Variants in OSBPL1A observed in about 807,000 individuals in gnomAD.
OSBPL1A encodes oxysterol-binding protein-related protein 1.
Under a neutral mutation model 137.1 loss-of-function variants are expected in OSBPL1A, and 80 were observed. The observed-to-expected ratio is 0.58, with a 90% CI of 0.49 to 0.70. OSBPL1A has a LOEUF of 0.70. OSBPL1A is among the 30% of genes least tolerant of loss of function. OSBPL1A has a pLI of 0.00. For synonymous variants in OSBPL1A, 365 were observed against 389.7 expected (o/e 0.94, Z 0.75); for missense variants, 970 against 1,129.4 (o/e 0.86, Z 2.02).
At chr18:24,342,998 T>C (rs2146158431) in intron 4 of OSBPL1A, among the ~76,000 whole-genome samples, 1 of 152,128 alleles carries the variant, frequency 6.6e-6, no homozygotes, top group Admixed American at 6.5e-5. Context: ...ATTTTGGGGC[T>C]CATGTTTTCA....
chr18:24,360,907 T>C (rs1444133360), intron 4 of OSBPL1A, among the ~76,000 whole-genome samples: 1 of 152,230 alleles, frequency 6.6e-6, no homozygotes, highest in African/African-American at 2.4e-5. Context: ...CCCTCACACC[T>C]GAACTGGAAT....
intron 17 of OSBPL1A, among the ~76,000 whole-genome samples, chr18:24,209,239 C>T (rs183559575): frequency 6.6e-6 from 1 of 152,072 alleles, no homozygotes; most frequent in African/African-American, 2.4e-5. Flanking sequence ...ATCAATAATA[C>T]AAAGACATAC....
chr18:24,225,555 A>C (rs1190625527), intron 16 of OSBPL1A, among the ~76,000 whole-genome samples: 1 of 152,244 alleles, frequency 6.6e-6, no homozygotes, highest in Non-Finnish European at 1.5e-5. Flanking sequence ...ACTTCCAAAA[A>C]AATTTTAATT....
intron 4 of OSBPL1A, among the ~76,000 whole-genome samples, chr18:24,365,583 CAA>C (rs879374674): frequency 7.1e-4 from 67 of 94,546 alleles, no homozygotes; most frequent in African/African-American, 2.1e-3. Context: ...GACTCGGTCT[CAA>C]AAAAAAAAAA....
At chr18:24,233,680 GCT>G (rs1186407759) in intron 16 of OSBPL1A, among the ~76,000 whole-genome samples, 5 of 150,534 alleles carry the variant, frequency 3.3e-5, no homozygotes, top group Non-Finnish European at 7.4e-5. Flanking sequence ...ACAGAGTCTC[GCT>G]CTGTTGCCCA....
intron 17 of OSBPL1A, among the ~76,000 whole-genome samples, chr18:24,210,453 C>CA (rs2087503991): frequency 1.3e-5 from 2 of 150,154 alleles, no homozygotes; most frequent in African/African-American, 2.4e-5. Context: ...CAAAACAAAA[C>CA]AAAAAACAAA....
intron 17 of OSBPL1A, among the ~76,000 whole-genome samples, chr18:24,209,296 A>G (rs909541385): frequency 6.6e-6 from 1 of 152,242 alleles, no homozygotes; most frequent in Non-Finnish European, 1.5e-5. Context: ...CACAAAAACA[A>G]TGGCTAAGGA....
At chr18:24,192,877 G>A (rs1474414375) in intron 18 of OSBPL1A, among the ~76,000 whole-genome samples, 1 of 152,130 alleles carries the variant, frequency 6.6e-6, no homozygotes, top group Non-Finnish European at 1.5e-5. Context: ...TACAAATCTG[G>A]GGCATTAATT....
intron 1 of OSBPL1A, among the ~76,000 whole-genome samples, chr18:24,391,777 A>T (rs1409236499): frequency 1.3e-5 from 2 of 152,194 alleles, no homozygotes; most frequent in Non-Finnish European, 1.5e-5. Context: ...TAAAAGGGCA[A>T]ATTTGATGTT....
chr18:24,275,046 C>A (rs1426568289), intron 15 of OSBPL1A, among the ~76,000 whole-genome samples: 4 of 152,050 alleles, frequency 2.6e-5, no homozygotes, highest in Non-Finnish European at 5.9e-5. Flanking sequence ...CTTCAGAGGA[C>A]AAGCAAGACA....
chr18:24,191,247 G>A (rs2086882807), intron 18 of OSBPL1A, among the ~76,000 whole-genome samples: 1 of 152,168 alleles, frequency 6.6e-6, no homozygotes, highest in South Asian at 2.1e-4. Flanking sequence ...AGTCCTAATT[G>A]AGTTGTTAGC....
At chr18:24,181,977 A>G (rs1369889593) in intron 18 of OSBPL1A, among the ~76,000 whole-genome samples, 1 of 152,200 alleles carries the variant, frequency 6.6e-6, no homozygotes, top group Non-Finnish European at 1.5e-5. Context: ...TAAAACTTCA[A>G]TATGTCTACA....
chr18:24,351,361 A>AAAAAAAAAAAAAAAAC, intron 4 of OSBPL1A, among the ~76,000 whole-genome samples: 1 of 150,516 alleles, frequency 6.6e-6, no homozygotes, highest in African/African-American at 2.4e-5. Flanking sequence ...AAAAAAAAAA[A>AAAAAAAAAAAAAAAAC]AAAAAAAAGA....
chr18:24,252,655 G>A (rs537611169), intron 15 of OSBPL1A, among the ~76,000 whole-genome samples: 1 of 152,292 alleles, frequency 6.6e-6, no homozygotes, highest in African/African-American at 2.4e-5. Flanking sequence ...GCTGGTAATA[G>A]TAAGCACACA....
intron 15 of OSBPL1A, among the ~76,000 whole-genome samples, chr18:24,276,028 G>A (rs2089839447): frequency 6.6e-6 from 1 of 151,894 alleles, no homozygotes; most frequent in African/African-American, 2.4e-5. Flanking sequence ...GTGCCTGTAT[G>A]ACATTCCAGT....
At chr18:24,229,878 G>C (rs924590334) in intron 16 of OSBPL1A, among the ~76,000 whole-genome samples, 1 of 151,956 alleles carries the variant, frequency 6.6e-6, no homozygotes, top group African/African-American at 2.4e-5. Flanking sequence ...AGCCTCCCAA[G>C]TACCTGGGAC....
chr18:24,309,529 A>G (rs2090574270), intron 13 of OSBPL1A, among the ~76,000 whole-genome samples: 1 of 152,320 alleles, frequency 6.6e-6, no homozygotes, highest in Non-Finnish European at 1.5e-5. Context: ...ATGATTTTAG[A>G]GTATATCAGT....
intron 15 of OSBPL1A, among the ~76,000 whole-genome samples, chr18:24,243,810 CCTT>C (rs889405836): frequency 5.3e-5 from 8 of 152,154 alleles, no homozygotes; most frequent in African/African-American, 1.9e-4. Flanking sequence ...ACTGAAGATA[CCTT>C]CTTATAAAAT....
chr18:24,329,084 A>G (rs1219413255), intron 7 of OSBPL1A, among the ~76,000 whole-genome samples: 4 of 152,190 alleles, frequency 2.6e-5, no homozygotes, highest in Admixed American at 2.0e-4. Flanking sequence ...ATTGATGTCA[A>G]TAAAGCTCAG....
Sources: allele counts gnomAD v4.1 joint callset (sites outside exome capture counted in the v4.1 genomes callset), GRCh38; gene constraint gnomAD v4.1.1; transcripts MANE v1.5; gene names NCBI Gene and HGNC (gene_info 2026-07-23, HGNC 2026-07-21).